REDIC1: variants seen among roughly 807,000 people sequenced by gnomAD.
REDIC1 encodes HEI10 Interacting Protein 1.
chr12:39,828,715 T>C, the REDIC1 span, among the ~76,000 whole-genome samples: 1 of 17,632 alleles, frequency 5.7e-5, no homozygotes, highest in Non-Finnish European at 9.3e-5. Context: ...TAACTTAGTT[T>C]TTTTTTTTTC....
At chr12:39,888,168 C>A in the REDIC1 span, among the ~76,000 whole-genome samples, 1 of 152,004 alleles carries the variant, frequency 6.6e-6, no homozygotes, top group African/African-American at 2.4e-5. Context: ...TGCTGCCTGC[C>A]CAGTTCATGG....
At chr12:39,809,375 T>G in the REDIC1 span, among the ~76,000 whole-genome samples, 1 of 152,252 alleles carries the variant, frequency 6.6e-6, no homozygotes, top group South Asian at 2.1e-4. Flanking sequence ...GTTTTGGCCA[T>G]TCCAGTTCTT....
chr12:39,635,603 T>C, the REDIC1 span, among the ~76,000 whole-genome samples: 2 of 126,194 alleles, frequency 1.6e-5, no homozygotes, highest in South Asian at 2.4e-4. Flanking sequence ...TGAGAACACA[T>C]GGACAAAGGA....
chr12:39,725,730 A>G, the REDIC1 span, among the ~76,000 whole-genome samples: 10 of 151,316 alleles, frequency 6.6e-5, no homozygotes, highest in Admixed American at 4.0e-4. Flanking sequence ...TTATTCATGT[A>G]TATTTTATAT....
the REDIC1 span, among the ~76,000 whole-genome samples, chr12:39,896,458 A>G: frequency 3.4e-4 from 49 of 143,450 alleles, 1 homozygote; most frequent in African/African-American, 1.1e-3. Flanking sequence ...ATGTGTGTAT[A>G]TATGTATACA....
At chr12:39,713,774 T>C in the REDIC1 span, among the ~76,000 whole-genome samples, 1 of 149,252 alleles carries the variant, frequency 6.7e-6, no homozygotes, top group South Asian at 2.1e-4. Flanking sequence ...TATATATATT[T>C]GTACGTAAAT....
At chr12:39,721,081 C>T in the REDIC1 span, 16 of 1,613,670 alleles carry the variant, frequency 9.9e-6, no homozygotes, top group South Asian at 1.4e-4. Flanking sequence ...TGCAGGGATA[C>T]AAACAGAGAG....
the REDIC1 span, among the ~76,000 whole-genome samples, chr12:39,635,113 GA>G: frequency 1.3e-5 from 2 of 152,174 alleles, no homozygotes; most frequent in Non-Finnish European, 2.9e-5. Flanking sequence ...ATGCCAGTTA[GA>G]ATGGTGATCA....
chr12:39,820,121 CA>C, the REDIC1 span, among the ~76,000 whole-genome samples: 1 of 151,562 alleles, frequency 6.6e-6, no homozygotes, highest in Non-Finnish European at 1.5e-5. Context: ...AAATAAATGA[CA>C]ACAAAAAGAA....
At chr12:39,738,676 G>A in the REDIC1 span, among the ~76,000 whole-genome samples, 15 of 152,242 alleles carry the variant, frequency 9.9e-5, no homozygotes, top group Non-Finnish European at 1.5e-4. Flanking sequence ...ATGTTTGATA[G>A]TCAATTCTCA....
At chr12:39,741,159 G>A in the REDIC1 span, among the ~76,000 whole-genome samples, 1 of 152,096 alleles carries the variant, frequency 6.6e-6, no homozygotes. Context: ...GAAAGCACAG[G>A]TAGAAGAGAT....
chr12:39,896,601 T>C, the REDIC1 span, among the ~76,000 whole-genome samples: 1 of 151,336 alleles, frequency 6.6e-6, no homozygotes, highest in African/African-American at 2.4e-5. Context: ...TACATATATG[T>C]ATGTATATGT....
chr12:39,840,577 T>C, the REDIC1 span, among the ~76,000 whole-genome samples: 4 of 152,024 alleles, frequency 2.6e-5, no homozygotes, highest in South Asian at 2.1e-4. Flanking sequence ...CTTTTCCTCA[T>C]ATTGTTTTCT....
At chr12:39,712,978 TATAC>T in the REDIC1 span, among the ~76,000 whole-genome samples, 2 of 21,440 alleles carry the variant, frequency 9.3e-5, no homozygotes, top group Non-Finnish European at 2.1e-4. Context: ...TATATGTATA[TATAC>T]ATGTGTATAT....
At chr12:39,870,374 C>T in the REDIC1 span, among the ~76,000 whole-genome samples, 2 of 152,152 alleles carry the variant, frequency 1.3e-5, no homozygotes, top group African/African-American at 4.8e-5. Context: ...CACATCACTG[C>T]CTGATAGTAA....
chr12:39,749,526 T>C, the REDIC1 span, among the ~76,000 whole-genome samples: 6 of 152,192 alleles, frequency 3.9e-5, no homozygotes, highest in African/African-American at 1.4e-4. Context: ...TCTGAAACTA[T>C]TCCAATCAAT....
chr12:39,704,961 T>G, the REDIC1 span, among the ~76,000 whole-genome samples: 4 of 151,696 alleles, frequency 2.6e-5, no homozygotes, highest in Non-Finnish European at 5.9e-5. Context: ...TTGGGAGATA[T>G]ACCTAATGCT....
At chr12:39,817,052 T>A in the REDIC1 span, among the ~76,000 whole-genome samples, 936 of 151,542 alleles carry the variant, frequency 6.2e-3, 11 homozygotes, top group African/African-American at 0.021. Flanking sequence ...AAAAAATAGG[T>A]AGGTGGTGAG....
the REDIC1 span, among the ~76,000 whole-genome samples, chr12:39,883,567 T>C: frequency 2.0e-5 from 3 of 152,098 alleles, no homozygotes; most frequent in South Asian, 6.2e-4. Flanking sequence ...AGAGCCTGAG[T>C]GTGAAAAAAG....
Sources: gnomAD v4.1 joint callset for allele counts (sites outside exome capture counted in the v4.1 genomes callset) on GRCh38, gnomAD v4.1.1 for gene constraint, MANE v1.5 for transcripts, NCBI Gene and HGNC (gene_info 2026-07-23, HGNC 2026-07-21) for gene names.